The following GPR155 variants were observed in gnomAD, a reference collection of about 807,000 sequenced individuals.
The protein encoded by GPR155 is lysosomal cholesterol signaling protein.
Under a neutral mutation model 93.1 loss-of-function variants are expected in GPR155, and 65 were observed. The observed-to-expected ratio is 0.70, with a 90% CI of 0.57 to 0.86. The LOEUF (loss-of-function observed/expected upper bound fraction) is 0.86. Ranked by LOEUF, GPR155 falls within the 40% of genes least tolerant of loss-of-function variation. The pLI is 0.00. For missense variants in GPR155, 838 were observed against 1,034.8 expected (o/e 0.81, Z 2.61); for synonymous variants, 319 against 360.1 (o/e 0.89, Z 1.29).
chr2:174,484,219 C>T (rs1314437410), intron 1 of GPR155, among the ~76,000 whole-genome samples: 8 of 152,228 alleles, frequency 5.3e-5, no homozygotes, highest in Non-Finnish European at 1.2e-4. Context: ...TACTCACATA[C>T]TTGAAGTTTA....
rs1024306271 is a variant in GPR155, at chr2:174,472,991, T to C, written c.834A>G (p.Val278=). ...IKRLKKSAFV[V]LILLITAKLL... ...GTTTAGCTGTGATGAGAAGAATTAGTACTACAAATGCCGACTTCTTCAGTC... is the reference window on the plus strand; with the variant it reads ...GTTTAGCTGTGATGAGAAGAATTAGCACTACAAATGCCGACTTCTTCAGTC... The change falls in exon 3 of 16, where the codon GTA becomes GTG. Residue 278 remains valine, a synonymous_variant. Transcript: ENST00000392552. 3.8e-6 allele frequency: 6 copies of C among 1,591,584 alleles called. No individual in the cohort carries two copies. The East Asian group carries it at 1.1e-4, about 30-fold the overall frequency.
At chr2:174,464,515 G>A (rs1559111650) in intron 7 of GPR155, among the ~76,000 whole-genome samples, 2 of 151,958 alleles carry the variant, frequency 1.3e-5, no homozygotes. Context: ...ATAATAACCT[G>A]ATGGTTAAAG....
chr2:174,480,044 C>CT (rs1029722447), intron 2 of GPR155, among the ~76,000 whole-genome samples: 4 of 152,132 alleles, frequency 2.6e-5, no homozygotes, highest in Non-Finnish European at 4.4e-5. Context: ...TAAATAGAAT[C>CT]TTTTTGGTAC....
At chr2:174,485,882 A>T (rs190303113) in intron 1 of GPR155, among the ~76,000 whole-genome samples, 1 of 152,352 alleles carries the variant, frequency 6.6e-6, no homozygotes, top group Admixed American at 6.5e-5. Flanking sequence ...CGTTCACAGT[A>T]AAAGACCACT....
In GPR155 at chr2:174,470,419, C is replaced by T; in HGVS notation, c.997G>A (p.Ala333Thr). 1 of 1,613,556 alleles carries T rather than the reference C, an allele frequency of 6.2e-7. No individual in the cohort carries two copies. The highest frequency in any genetic ancestry group is 1.1e-5 in the South Asian group (1 of 91,058). Residue 333 changes from alanine to threonine, a missense_variant, in exon 4 of 16, where the codon GCA (alanine) becomes ACA (threonine). Transcript: ENST00000392552. ...FPVAPGVAIF[A>T]TQFNMEVEII... ...TCTACTTCCATGTTGAATTGTGTTGCAAAGATAGCCACTCCTGGTGCTACA... is the reference window on the plus strand; with the variant it reads ...TCTACTTCCATGTTGAATTGTGTTGTAAAGATAGCCACTCCTGGTGCTACA...
chr2:174,456,471 A>T (rs1448377381), intron 10 of GPR155, among the ~76,000 whole-genome samples: 1 of 151,486 alleles, frequency 6.6e-6, no homozygotes, highest in Non-Finnish European at 1.5e-5. Context: ...TGCCTAGCTA[A>T]TTTTTTATTT....
At chr2:174,478,608 T>C (rs1176751498) in intron 2 of GPR155, among the ~76,000 whole-genome samples, 2 of 152,234 alleles carry the variant, frequency 1.3e-5, no homozygotes, top group Non-Finnish European at 2.9e-5. Flanking sequence ...ATAGTTGTCA[T>C]AGTATGTAGC....
chr2:174,460,154 ATTTTT>A (rs11385015), intron 9 of GPR155, 66 bp from the exon 10 acceptor site: 1,302 of 398,084 alleles, frequency 3.3e-3, no homozygotes, highest in Middle Eastern at 9.1e-3. Flanking sequence ...CTTAGGGCAC[ATTTTT>A]TTTTTTTTTT....
chr2:174,448,695 G>A (rs967364707), intron 11 of GPR155, among the ~76,000 whole-genome samples: 10 of 151,270 alleles, frequency 6.6e-5, no homozygotes, highest in Non-Finnish European at 1.0e-4. Context: ...CCGCCACTGC[G>A]CCCGGCTAAT....
rs1686649683 is a variant in GPR155 at position 174,431,707 on chromosome 2, A to G, written c.*4409T>C. On this transcript the variant is annotated 3_prime_UTR_variant, in exon 16 of 16. Coordinates refer to ENST00000392552, the MANE Select transcript of GPR155 (RefSeq NM_152529.7). ...ACTCATGACAGGACTACCTATGTGC[A>G]GTGGCCTAAAGTAATTTAATATTTT... 6.6e-6 allele frequency: 1 copy of G among 152,222 alleles called. No individual in the cohort carries two copies. Among genetic ancestry groups the G allele is most frequent in the Non-Finnish European group, 1.5e-5 (1 of 68,030 alleles). 9.4% of individuals were successfully genotyped at this position (152,222 alleles called of 1,614,324 possible).
chr2:174,463,049 A>G (rs192526916), intron 7 of GPR155, among the ~76,000 whole-genome samples: 163 of 151,524 alleles, frequency 1.1e-3, no homozygotes, highest in African/African-American at 3.9e-3. Context: ...AGATTTGTGG[A>G]CCCCTAGGGT....
At chr2:174,453,382 C>T (rs575715581) in intron 11 of GPR155, among the ~76,000 whole-genome samples, 10 of 152,102 alleles carry the variant, frequency 6.6e-5, no homozygotes, top group Non-Finnish European at 1.0e-4. Context: ...ATCTTCTGGC[C>T]GGGTGTGGTA....
intron 10 of GPR155, among the ~76,000 whole-genome samples, chr2:174,457,332 C>T (rs1687548481): frequency 6.6e-6 from 1 of 152,108 alleles, no homozygotes; most frequent in South Asian, 2.1e-4. Context: ...AAGAGAAAGA[C>T]TTTGTTTCAA....
In GPR155 at chr2:174,459,938, C is replaced by G. The variant is rs1172271670; in HGVS notation, c.1711G>C (p.Glu571Gln). Residue 571 changes from glutamate to glutamine, a missense_variant, in exon 10 of 16, where the codon GAG becomes CAG. Coordinates refer to ENST00000392552, the MANE Select transcript of GPR155 (RefSeq NM_152529.7). ...KVVEPGNTAF[E>Q]ESPAPVNEPE... ...TCATTTACTGGTGCTGGACTCTCCT[C>G]AAAAGCAGTATTTCCAGGCTCCACC... is the stretch of plus-strand genomic sequence containing the variant. The G allele has an allele frequency of 6.2e-7, 1 of 1,614,086 alleles. No individual in the cohort carries two copies.
intron 1 of GPR155, among the ~76,000 whole-genome samples, 190 bp from the exon 2 acceptor site, chr2:174,482,177 T>TG (rs1352222410): frequency 6.6e-6 from 1 of 151,876 alleles, no homozygotes; most frequent in African/African-American, 2.4e-5. Context: ...GAAAAAAAAG[T>TG]GGGGGGTTGC....
At chr2:174,450,149 A>G (rs926924252) in intron 11 of GPR155, among the ~76,000 whole-genome samples, 9 of 147,958 alleles carry the variant, frequency 6.1e-5, no homozygotes, top group Non-Finnish European at 1.2e-4. Flanking sequence ...AAAAAAAAAA[A>G]GAATGAAATA....
rs1198737329 is a variant in GPR155 at position 174,448,531 on chromosome 2, T to G, written c.1877-1784A>C. On this transcript the variant is annotated intron_variant, in intron 11 of 15. Coordinates refer to ENST00000392552, the MANE Select transcript of GPR155 (RefSeq NM_152529.7). ...GAAGTTTTTTGTTTTTTGTTTTTTGTTTTTTTTTTTTTTTTTTGAGACGGA... is the reference window on the plus strand; with the variant it reads ...GAAGTTTTTTGTTTTTTGTTTTTTGGTTTTTTTTTTTTTTTTTGAGACGGA... Among the ~76,000 whole-genome samples, 400 of 60,722 alleles carry G rather than the reference T, an allele frequency of 6.6e-3. 4 individuals are homozygous for G. The highest frequency in any genetic ancestry group is 0.033 in the African/African-American group (386 of 11,866). The allele number at this position is 60,722 out of a possible 152,430, so 39.8% of individuals were successfully genotyped here. A position where few individuals can be genotyped will look rare whatever the true frequency, so the allele number is the denominator to read the frequency against.
In GPR155 at chr2:174,468,959, T is replaced by C; in HGVS notation, c.1135A>G (p.Ile379Val). The C allele has an allele frequency of 6.2e-7, 1 of 1,614,030 alleles. No individual in the cohort carries two copies. The highest frequency in any genetic ancestry group is 8.5e-7 in the Non-Finnish European group (1 of 1,179,920). The stretch of plus-strand genomic sequence containing the variant: ...CTTATATCAAAACTAACATTCTGGA[T>C]GGCATATGCCAATGGCTTAGGGTCC... ...TMDPKPLAYA[I>V]QNVSFDISIV... The change falls in exon 5 of 16, where the codon ATC becomes GTC. Residue 379 changes from isoleucine to valine, a missense_variant. Coordinates refer to ENST00000392552, the MANE Select transcript of GPR155 (RefSeq NM_152529.7).
rs71024809 is a variant in GPR155, at chr2:174,475,294, C to CAA, written c.461-1932_461-1931dup. Among the ~76,000 whole-genome samples the CAA allele has an allele frequency of 3.0e-3, 193 of 64,308 alleles. 11 individuals carry two copies. The highest frequency in any genetic ancestry group is 0.011 in the African/African-American group (156 of 13,884). The allele number at this position is 64,308 out of a possible 152,430, so 42.2% of individuals were successfully genotyped here. A position where few individuals can be genotyped will look rare whatever the true frequency, so the allele number is the denominator to read the frequency against. On this transcript the variant is annotated intron_variant, in intron 2 of 15. Transcript: ENST00000392552. ...TGGGCGACAGAGCGAGACTCCGTCT[C>CAA]AAAAAAAAAAAAAAAAAAAAAAAAA...
Sources: gnomAD v4.1 joint callset for allele counts (sites outside exome capture counted in the v4.1 genomes callset) on GRCh38, gnomAD v4.1.1 for gene constraint, MANE v1.5 for transcripts, NCBI Gene and HGNC (gene_info 2026-07-23, HGNC 2026-07-21) for gene names.